GRXCR1: variants seen among roughly 807,000 people sequenced by gnomAD.
GRXCR1 encodes the protein glutaredoxin domain-containing cysteine-rich protein 1.
A neutral mutation model predicts 27.3 loss-of-function variants in GRXCR1; 27 were observed. That is an observed-to-expected ratio of 0.99 (90% CI 0.73 to 1.37). The LOEUF is 1.37. GRXCR1 is among the 40% of genes most tolerant of loss of function. The probability of loss-of-function intolerance (pLI) is 0.00; values close to 1 mark genes in which losing one functional copy is unlikely to be tolerated. For missense variants in GRXCR1, 379 were observed against 354.4 expected, an observed-to-expected ratio of 1.07 and a Z score of -0.56; for synonymous variants, 122 against 131.1, an observed-to-expected ratio of 0.93 and a Z score of 0.47.
At chr4:43,024,741 AG>A (rs943009835) in intron 3 of GRXCR1, among the ~76,000 whole-genome samples, 1 of 152,170 alleles carries the variant, frequency 6.6e-6, no homozygotes, top group African/African-American at 2.4e-5. Flanking sequence ...GGTCAGGCAG[AG>A]GGGTGTTTAG....
intron 1 of GRXCR1, among the ~76,000 whole-genome samples, chr4:42,895,315 T>C (rs886819098): frequency 6.6e-6 from 1 of 152,116 alleles, no homozygotes; most frequent in Non-Finnish European, 1.5e-5. Context: ...ATTCCACGTA[T>C]TCCCTGTTTT....
intron 1 of GRXCR1, among the ~76,000 whole-genome samples, chr4:42,931,967 G>C (rs577650905): frequency 6.6e-6 from 1 of 152,024 alleles, no homozygotes; most frequent in South Asian, 2.1e-4. Context: ...TAGAGAGGCA[G>C]AGAAACTACC....
intron 2 of GRXCR1, among the ~76,000 whole-genome samples, chr4:42,990,828 T>A (rs879682645): frequency 6.6e-5 from 10 of 152,248 alleles, no homozygotes; most frequent in Middle Eastern, 6.9e-3. Context: ...GTCTCCTTTT[T>A]ACATATATAT....
At chr4:42,980,786 A>G (rs1748644643) in intron 2 of GRXCR1, among the ~76,000 whole-genome samples, 1 of 152,078 alleles carries the variant, frequency 6.6e-6, no homozygotes. Flanking sequence ...CAAATCTATT[A>G]ATATTTGCTT....
At chr4:42,963,443 T>C (rs953093270) in intron 2 of GRXCR1, among the ~76,000 whole-genome samples, 1 of 151,986 alleles carries the variant, frequency 6.6e-6, no homozygotes, top group African/African-American at 2.4e-5. Context: ...AAGACTGTAT[T>C]TTTAGTGTAG....
At chr4:42,903,673 CT>C (rs1231292066) in intron 1 of GRXCR1, among the ~76,000 whole-genome samples, 20 of 147,638 alleles carry the variant, frequency 1.4e-4, no homozygotes, top group Non-Finnish European at 2.4e-4. Flanking sequence ...TCCCATTTTT[CT>C]TTTTTCCCCT....
chr4:42,943,962 G>A (rs1747683760), intron 1 of GRXCR1, among the ~76,000 whole-genome samples: 1 of 152,012 alleles, frequency 6.6e-6, no homozygotes, highest in Non-Finnish European at 1.5e-5. Context: ...ATGGTGCTAA[G>A]GTTGAGAAAC....
At chr4:42,960,579 T>C (rs1030293217) in intron 1 of GRXCR1, among the ~76,000 whole-genome samples, 1 of 151,978 alleles carries the variant, frequency 6.6e-6, no homozygotes, top group Non-Finnish European at 1.5e-5. Flanking sequence ...TTCCACGATG[T>C]GAAGTGCAAT....
At chr4:42,991,906 A>G (rs1711987830) in intron 2 of GRXCR1, among the ~76,000 whole-genome samples, 1 of 152,050 alleles carries the variant, frequency 6.6e-6, no homozygotes, top group Admixed American at 6.6e-5. Context: ...TACAAGAACA[A>G]GTGTTGTTTT....
chr4:42,962,774 A>T, intron 1 of GRXCR1, 118 bp from the exon 2 acceptor site: 1 of 1,113,848 alleles, frequency 9.0e-7, no homozygotes, highest in Non-Finnish European at 1.4e-6. Flanking sequence ...CTTTGAATTG[A>T]CAAATGTGTT....
chr4:42,982,296 A>G (rs1309156273), intron 2 of GRXCR1, among the ~76,000 whole-genome samples: 1 of 144,134 alleles, frequency 6.9e-6, no homozygotes, highest in Non-Finnish European at 1.5e-5. Context: ...ATGAGTGAGA[A>G]TATGCGGTGT....
At chr4:43,030,304 A>G in intron 3 of GRXCR1, 57 bp from the exon 4 acceptor site, 1 of 1,515,696 alleles carries the variant, frequency 6.6e-7, no homozygotes, top group Non-Finnish European at 9.2e-7. Flanking sequence ...AGGCTGATTG[A>G]GTTGTTCATG....
chr4:43,018,957 C>G (rs755052358), intron 2 of GRXCR1, among the ~76,000 whole-genome samples: 1 of 152,122 alleles, frequency 6.6e-6, no homozygotes, highest in Non-Finnish European at 1.5e-5. Flanking sequence ...CTCTGTAGCC[C>G]TGTGCGTTCG....
chr4:42,893,632 T>C lies in GRXCR1; in HGVS notation c.366T>C (p.Asn122=). 1 of 1,613,418 alleles carries C rather than the reference T, an allele frequency of 6.2e-7. No homozygotes were observed. Among genetic ancestry groups the C allele is most frequent in the Non-Finnish European group, 8.5e-7 (1 of 1,179,702 alleles). Residue 122 remains asparagine, a synonymous_variant, in exon 1 of 4, where the codon AAT becomes AAC. Coordinates refer to ENST00000399770, the MANE Select transcript of GRXCR1 (RefSeq NM_001080476.3). ...GTGCTGGCCAGGCTCTATTTAACAA[T>C]TTGACCAAAGTATTACAGGTAAGTC... The part of the protein sequence containing the change: ...KVSAGQALFN[N]LTKVLQQPST...
At chr4:42,974,458 G>C (rs1748460412) in intron 2 of GRXCR1, among the ~76,000 whole-genome samples, 1 of 152,150 alleles carries the variant, frequency 6.6e-6, no homozygotes, top group Non-Finnish European at 1.5e-5. Context: ...AGGTGATTCT[G>C]AGGCAATTGG....
chr4:43,016,467 T>G (rs1381196772), intron 2 of GRXCR1, among the ~76,000 whole-genome samples: 5 of 152,180 alleles, frequency 3.3e-5, no homozygotes, highest in Non-Finnish European at 2.9e-5. Context: ...ACCAAAAATT[T>G]TATTAAATTT....
chr4:42,939,597 T>C (rs55943682), intron 1 of GRXCR1, among the ~76,000 whole-genome samples: 15,100 of 151,994 alleles, frequency 0.099, 982 homozygotes, highest in Non-Finnish European at 0.15. Context: ...AGAGGAAAGG[T>C]TTCCCTCTAA....
intron 2 of GRXCR1, among the ~76,000 whole-genome samples, chr4:42,976,994 T>C (rs1372223119): frequency 6.6e-6 from 1 of 152,054 alleles, no homozygotes; most frequent in East Asian, 1.9e-4. Context: ...CAGTGCCTGG[T>C]AACCACCATT....
chr4:43,011,581 A>T (rs1179053042), intron 2 of GRXCR1, among the ~76,000 whole-genome samples: 1 of 151,074 alleles, frequency 6.6e-6, no homozygotes, highest in East Asian at 1.9e-4. Context: ...CCTTGTTCAC[A>T]CTTCTATTGT....
Sources: allele counts gnomAD v4.1 joint callset (sites outside exome capture counted in the v4.1 genomes callset), GRCh38; gene constraint gnomAD v4.1.1; transcripts MANE v1.5; gene names NCBI Gene and HGNC (gene_info 2026-07-23, HGNC 2026-07-21).